The following FILIP1 variants were observed in gnomAD, a reference collection of about 807,000 sequenced individuals.
FILIP1 encodes filamin A interacting protein 1.
A neutral mutation model predicts 102.1 loss-of-function variants in FILIP1; 61 were observed. The observed-to-expected ratio is 0.60, with a 90% CI of 0.49 to 0.74. The LOEUF (loss-of-function observed/expected upper bound fraction) is 0.74, where lower values mean the gene tolerates loss of function less well. Among genes scored for constraint, FILIP1 ranks in the 30% least tolerant of loss-of-function variants. The probability of loss-of-function intolerance (pLI) is 0.00; values close to 1 mark genes in which losing one functional copy is unlikely to be tolerated. For missense variants in FILIP1, 1,314 were observed against 1,441.2 expected, an observed-to-expected ratio of 0.91 and a Z score of 1.43; for synonymous variants, 491 against 526.9, an observed-to-expected ratio of 0.93 and a Z score of 0.93.
intron 1 of FILIP1, among the ~76,000 whole-genome samples, chr6:75,477,439 A>G (rs959361249): frequency 1.3e-5 from 2 of 152,192 alleles, no homozygotes; most frequent in Non-Finnish European, 2.9e-5. Context: ...TCTCACTATA[A>G]AAAATGATAG....
chr6:75,479,416 G>A (rs1779586073), intron 1 of FILIP1, among the ~76,000 whole-genome samples: 1 of 152,102 alleles, frequency 6.6e-6, no homozygotes, highest in Non-Finnish European at 1.5e-5. Flanking sequence ...ACTGGGTATT[G>A]AATTTTTTGT....
intron 3 of FILIP1, chr6:75,357,445 C>G (rs1775041595): frequency 6.6e-6 from 1 of 152,374 alleles, no homozygotes; most frequent in African/African-American, 2.4e-5. Context: ...AGCCACAGTT[C>G]TGGACTAAGC....
chr6:75,458,495 C>T (rs1778916650), intron 1 of FILIP1, among the ~76,000 whole-genome samples: 1 of 152,178 alleles, frequency 6.6e-6, no homozygotes, highest in Non-Finnish European at 1.5e-5. Context: ...ACGTAGAAAA[C>T]TGGTTCCATT....
intron 2 of FILIP1, among the ~76,000 whole-genome samples, chr6:75,380,981 C>T (rs905305407): frequency 6.6e-6 from 1 of 151,878 alleles, no homozygotes; most frequent in African/African-American, 2.4e-5. Context: ...TGTTTTTGTC[C>T]TCCTAAGGAG....
chr6:75,367,725 A>G (rs1775385848), intron 2 of FILIP1: 1 of 152,212 alleles, frequency 6.6e-6, no homozygotes, highest in South Asian at 2.1e-4. Flanking sequence ...GAAGACGACT[A>G]TGTGATCACA....
downstream of FILIP1, among the ~76,000 whole-genome samples, chr6:75,307,088 C>T (rs1175460181): frequency 1.3e-5 from 2 of 152,164 alleles, no homozygotes. Flanking sequence ...CAGGCATGAG[C>T]CACCATGCCT....
At chr6:75,474,508 C>G (rs1163214083) in intron 1 of FILIP1, among the ~76,000 whole-genome samples, 1 of 152,100 alleles carries the variant, frequency 6.6e-6, no homozygotes, top group Non-Finnish European at 1.5e-5. Flanking sequence ...TTGCTTCTTC[C>G]CTTGAAGAAC....
At chr6:75,417,788 C>T (rs9359122) in intron 1 of FILIP1, among the ~76,000 whole-genome samples, 87,321 of 152,076 alleles carry the variant, frequency 0.57, 25,411 homozygotes, top group South Asian at 0.7. Context: ...AGAATTTGAA[C>T]TCAGGTCGGA....
At chr6:75,384,311 A>G (rs1213872038) in intron 2 of FILIP1, among the ~76,000 whole-genome samples, 2 of 152,200 alleles carry the variant, frequency 1.3e-5, no homozygotes, top group Non-Finnish European at 2.9e-5. Flanking sequence ...AACCTTTACC[A>G]GACATCTCTG....
At chr6:75,457,621 TC>T (rs1778884580) in intron 1 of FILIP1, among the ~76,000 whole-genome samples, 1 of 148,116 alleles carries the variant, frequency 6.8e-6, no homozygotes, top group Non-Finnish European at 1.5e-5. Context: ...AGTCTCTCTC[TC>T]TCTCTCTCTC....
intron 2 of FILIP1, among the ~76,000 whole-genome samples, chr6:75,404,269 G>A (rs1776758478): frequency 1.3e-5 from 2 of 152,046 alleles, no homozygotes; most frequent in African/African-American, 2.4e-5. Flanking sequence ...CAACACTGCC[G>A]TACCAGAAAC....
chr6:75,315,291 C>T (rs752410890), intron 4 of FILIP1, 89 bp from the exon 5 acceptor site: 3 of 771,092 alleles, frequency 3.9e-6, no homozygotes, highest in Non-Finnish European at 5.8e-6. Flanking sequence ...AAAGCCACTA[C>T]AATAAATCCC....
chr6:75,353,619 T>C lies in FILIP1; in HGVS notation c.549A>G (p.Leu183=), dbSNP rs1350560322. ...CAGTGTGTTTATGCTTCTCGTTCTC[T>C]AACTCGTATACGGTGCGCCTATGAC... ...EKCHRRTVYE[L]ENEKHKHTDY... Residue 183 remains leucine (L), a synonymous_variant, in exon 4 of 6, where the codon TTA becomes TTG. Transcript: ENST00000237172. 1.2e-6 allele frequency: 2 copies of C among 1,614,218 alleles called. No homozygotes were observed. The highest frequency in any genetic ancestry group is 2.2e-5 in the South Asian group (2 of 91,086).
chr6:75,316,103 T>C (rs182673338), intron 4 of FILIP1, among the ~76,000 whole-genome samples: 13 of 152,346 alleles, frequency 8.5e-5, no homozygotes, highest in African/African-American at 3.1e-4. Context: ...GTTTCACTTG[T>C]GTGAAATACA....
rs940249377 is a variant in FILIP1 at position 75,350,443 on chromosome 6, C to T, written c.629+3096G>A. ...TTTACTTTTAAAACTTTCTACGTAG[C>T]ACTTTGCTCAGGAGAGGCTGTTGTA... On this transcript the variant is annotated intron_variant, in intron 4 of 5. Transcript: ENST00000237172. 5.5e-5 allele frequency among the ~76,000 whole-genome samples: 8 copies of T among 145,742 alleles called. No individual in the cohort carries two copies. In the East Asian group the frequency reaches 1.6e-3, roughly 29 times the overall value.
chr6:75,412,003 G>A (rs904190452), intron 2 of FILIP1, among the ~76,000 whole-genome samples: 5 of 151,404 alleles, frequency 3.3e-5, no homozygotes, highest in East Asian at 2.0e-4. Context: ...AAATTACTTT[G>A]GGCAGTGTGG....
At chr6:75,386,107 T>C (rs941261810) in intron 2 of FILIP1, 1 of 152,200 alleles carries the variant, frequency 6.6e-6, no homozygotes, top group African/African-American at 2.4e-5. Flanking sequence ...TGCTTATTTG[T>C]AGTTACCAAG....
intron 1 of FILIP1, among the ~76,000 whole-genome samples, chr6:75,472,571 C>T (rs555126740): frequency 6.6e-6 from 1 of 152,076 alleles, no homozygotes; most frequent in African/African-American, 2.4e-5. Flanking sequence ...AACATACAAA[C>T]ATTTATTTCT....
At chr6:75,326,458 A>G (rs778497265) in intron 4 of FILIP1, among the ~76,000 whole-genome samples, 3 of 152,118 alleles carry the variant, frequency 2.0e-5, no homozygotes, top group Non-Finnish European at 4.4e-5. Flanking sequence ...AGCTATCCCT[A>G]AAGAACATAT....
Sources: allele counts gnomAD v4.1 joint callset (sites outside exome capture counted in the v4.1 genomes callset), GRCh38; gene constraint gnomAD v4.1.1; transcripts MANE v1.5; gene names NCBI Gene and HGNC (gene_info 2026-07-23, HGNC 2026-07-21).